Variants in SAMD5 observed in about 807,000 individuals in gnomAD.
The protein encoded by SAMD5 is sterile alpha motif domain-containing protein 5.
In SAMD5, 13 loss-of-function variants were observed where a neutral mutation model predicts 11.3. The ratio of observed to expected loss-of-function variants is 1.15; its 90% CI spans 0.75 to 1.83. The LOEUF is 1.83. SAMD5 is among the 40% of genes most tolerant of loss of function. SAMD5 has a pLI of 0.00. For missense variants in SAMD5, 255 were observed against 239.1 expected (o/e 1.07, Z -0.44); for synonymous variants, 129 against 111.3 (o/e 1.16, Z -1.00).
the SAMD5 span, among the ~76,000 whole-genome samples, chr6:147,804,229 T>C: frequency 6.6e-6 from 1 of 151,092 alleles, no homozygotes; most frequent in African/African-American, 2.4e-5. Flanking sequence ...TGCCTCAGCC[T>C]CCCGAGTAGC....
At position 147,567,694 on chromosome 6, in the gene SAMD5, A is replaced by G. The variant is rs562915705; in HGVS notation, c.*3238A>G. The G allele has an allele frequency of 3.0e-6, 3 of 984,508 alleles. No individual in the cohort carries two copies. Among genetic ancestry groups the G allele is most frequent in the African/African-American group, 1.7e-5 (1 of 57,322 alleles). The allele number at this position is 984,508 out of a possible 1,614,324, so 61.0% of individuals were successfully genotyped here. On this transcript the variant is annotated 3_prime_UTR_variant, in exon 2 of 2. Coordinates refer to ENST00000367474, the MANE Select transcript of SAMD5 (RefSeq NM_001030060.3). ...GTTGTCTTATTTCTTCTTATGCAGA[A>G]GAGATTACCTTAAAGCTGACTAGAA...
At chr6:147,928,748 G>T in the SAMD5 span, among the ~76,000 whole-genome samples, 1 of 152,012 alleles carries the variant, frequency 6.6e-6, no homozygotes, top group Admixed American at 6.6e-5. Flanking sequence ...TTTCAGTTGT[G>T]ATGTTAGGTT....
At chr6:147,775,596 G>A in the SAMD5 span, among the ~76,000 whole-genome samples, 2 of 152,316 alleles carry the variant, frequency 1.3e-5, no homozygotes, top group African/African-American at 2.4e-5. Context: ...GTCTGGAAAT[G>A]CTTCTGTTCT....
intron 1 of SAMD5, chr6:147,737,234 A>G: frequency 1.4e-6 from 1 of 730,734 alleles, no homozygotes; most frequent in South Asian, 2.4e-5. Flanking sequence ...GTGAGTTTTC[A>G]GTTCCCCCTT....
At chr6:147,802,036 C>T in the SAMD5 span, among the ~76,000 whole-genome samples, 1 of 152,074 alleles carries the variant, frequency 6.6e-6, no homozygotes, top group Non-Finnish European at 1.5e-5. Flanking sequence ...GGATTTCTAA[C>T]ATTACAGGAA....
chr6:147,882,512 C>T, the SAMD5 span, among the ~76,000 whole-genome samples: 2 of 152,184 alleles, frequency 1.3e-5, no homozygotes, highest in African/African-American at 2.4e-5. Context: ...CCCAGGAATT[C>T]CAGGCTGCAG....
At chr6:147,731,264 A>G (rs1049979420) in intron 1 of SAMD5, among the ~76,000 whole-genome samples, 1 of 152,154 alleles carries the variant, frequency 6.6e-6, no homozygotes, top group Admixed American at 6.6e-5. Context: ...TGTTTTTATG[A>G]TGACAGTGTC....
intron 1 of SAMD5, among the ~76,000 whole-genome samples, chr6:147,638,445 G>C (rs1790264010): frequency 6.6e-6 from 1 of 152,182 alleles, no homozygotes; most frequent in Admixed American, 6.5e-5. Context: ...CATCCATTCT[G>C]TGAATCACAG....
chr6:147,701,328 C>T (rs1343151987), intron 1 of SAMD5, among the ~76,000 whole-genome samples: 1 of 151,924 alleles, frequency 6.6e-6, no homozygotes, highest in African/African-American at 2.4e-5. Flanking sequence ...CAATTCTAAG[C>T]AAGATATAAA....
At chr6:147,707,802 G>C (rs1260376330) in intron 1 of SAMD5, among the ~76,000 whole-genome samples, 2 of 152,094 alleles carry the variant, frequency 1.3e-5, no homozygotes, top group Non-Finnish European at 2.9e-5. Flanking sequence ...CTTTCTCCTT[G>C]CCTCTGGTGG....
chr6:147,856,356 T>C, the SAMD5 span, among the ~76,000 whole-genome samples: 10 of 152,274 alleles, frequency 6.6e-5, no homozygotes, highest in Non-Finnish European at 1.5e-5. Context: ...ACGCATATGT[T>C]CATTATCTTA....
At chr6:147,577,447 G>T (rs531952820) in intron 1 of SAMD5, among the ~76,000 whole-genome samples, 11 of 152,092 alleles carry the variant, frequency 7.2e-5, no homozygotes, top group African/African-American at 2.2e-4. Flanking sequence ...TCAAATTTTT[G>T]AGCCTGTCTG....
At chr6:147,646,322 T>C (rs1259328800) in intron 1 of SAMD5, among the ~76,000 whole-genome samples, 2 of 152,090 alleles carry the variant, frequency 1.3e-5, no homozygotes, top group Non-Finnish European at 2.9e-5. Flanking sequence ...TGAGGCCCTA[T>C]CGCAAAAAAA....
chr6:147,568,351 T>TA lies in SAMD5; in HGVS notation c.*3902dup. The TA allele has an allele frequency of 4.1e-6, 4 of 985,084 alleles. No homozygotes were observed. The highest frequency in any genetic ancestry group is 4.7e-5 in the South Asian group (1 of 21,280). The allele number at this position is 985,084 out of a possible 1,614,324, so 61.0% of individuals were successfully genotyped here. A position where few individuals can be genotyped will look rare whatever the true frequency, so the allele number is the denominator to read the frequency against. On this transcript the variant is annotated 3_prime_UTR_variant, in exon 2 of 2. Coordinates refer to ENST00000367474, the MANE Select transcript of SAMD5 (RefSeq NM_001030060.3). ...GTCTCTTGCACAGGGGGTTGAAAAA[T>TA]AAAAAAAGAAGTTAACATAATTAAA...
At chr6:147,742,598 C>T in the SAMD5 span, among the ~76,000 whole-genome samples, 1 of 152,084 alleles carries the variant, frequency 6.6e-6, no homozygotes, top group Non-Finnish European at 1.5e-5. Flanking sequence ...TCTGAGAAAG[C>T]ATTAGGTAGA....
chr6:147,916,022 G>A, the SAMD5 span, among the ~76,000 whole-genome samples: 1 of 150,890 alleles, frequency 6.6e-6, no homozygotes, highest in Non-Finnish European at 1.5e-5. Flanking sequence ...TTGTCCTTCT[G>A]AGAGTTTGCT....
intron 1 of SAMD5, among the ~76,000 whole-genome samples, chr6:147,544,378 C>G (rs1324025682): frequency 6.6e-6 from 1 of 151,852 alleles, no homozygotes; most frequent in Non-Finnish European, 1.5e-5. Flanking sequence ...CTAGAGTATC[C>G]CTCATCAGAG....
the SAMD5 span, among the ~76,000 whole-genome samples, chr6:147,883,486 C>A: frequency 6.6e-6 from 1 of 152,198 alleles, no homozygotes; most frequent in Non-Finnish European, 1.5e-5. Context: ...TCTCCCCTTT[C>A]CCTCACAGCT....
intron 1 of SAMD5, among the ~76,000 whole-genome samples, chr6:147,665,354 C>T (rs939508671): frequency 6.6e-6 from 1 of 152,100 alleles, no homozygotes; most frequent in Admixed American, 6.5e-5. Context: ...CTAATGAAAA[C>T]TTGTTATGTC....
Sources: gnomAD v4.1 joint callset for allele counts (sites outside exome capture counted in the v4.1 genomes callset) on GRCh38, gnomAD v4.1.1 for gene constraint, MANE v1.5 for transcripts, NCBI Gene and HGNC (gene_info 2026-07-23, HGNC 2026-07-21) for gene names.